ZNF35: variants seen among roughly 807,000 people sequenced by gnomAD.
ZNF35 encodes the protein zinc finger protein 35, also known as zinc finger protein 35 (clone HF.10).
ZNF35 carries 31 observed loss-of-function variants against 45.9 expected under a neutral mutation model. The observed-to-expected ratio is 0.68, with a 90% CI of 0.51 to 0.91. The LOEUF is 0.91. Among genes scored for constraint, ZNF35 ranks in the 40% least tolerant of loss-of-function variants. The pLI, the probability that ZNF35 is intolerant of heterozygous loss-of-function variation, is 0.00. For synonymous variants in ZNF35, 205 were observed against 220.2 expected (o/e 0.93, Z 0.61); for missense variants, 515 against 625.4 (o/e 0.82, Z 1.88).
In ZNF35 at chr3:44,660,243, G is replaced by A. The variant is rs1327944985; in HGVS notation, c.*296G>A. On this transcript the variant is annotated 3_prime_UTR_variant, in exon 4 of 4. Coordinates refer to ENST00000396056, the MANE Select transcript of ZNF35 (RefSeq NM_003420.4). ...TCGTACAAAGCTAAGTGGTAATGAT[G>A]CTATTTGGGGAAAGGTCTTTTTTGC... 17 of 257,778 alleles carry A rather than the reference G, an allele frequency of 6.6e-5. No individual in the cohort carries two copies. The Admixed American group carries it at 8.3e-4, about 13-fold the overall frequency. The allele number at this position is 257,778 out of a possible 1,614,324, so 16.0% of individuals were successfully genotyped here. A position where few individuals can be genotyped will look rare whatever the true frequency, so the allele number is the denominator to read the frequency against.
Position 44,659,402 on chromosome 3 carries a change from T to G in ZNF35, c.1039T>G (p.Ser347Ala), listed in dbSNP as rs150538581. 30 of 1,613,080 alleles carry G rather than the reference T, an allele frequency of 1.9e-5. No homozygotes were observed. The highest frequency in any genetic ancestry group is 2.5e-5 in the Non-Finnish European group (30 of 1,179,658). ...ATGTGGGAAAACATTTACTAGGAGC[T>G]CAAACCTCATTGTCCACCAGAGGAT... is the stretch of plus-strand genomic sequence containing the variant. ...NECGKTFTRS[S>A]NLIVHQRIHT... is the part of the protein sequence containing the mutation. The change falls in exon 4 of 4, where the codon TCA (serine) becomes GCA (alanine). Residue 347 changes from serine (S) to alanine (A), a missense_variant. This residue lies in a region of ZNF35 where 232 missense variants were observed against 304.6 expected (regional missense o/e 0.76). Transcript: ENST00000396056. This position sits in a 1 kb window ranked among gnomAD's most constrained non-coding sequence, Gnocchi z 4.3.
upstream of ZNF35, chr3:44,648,528 G>A (rs1703093423): frequency 6.6e-6 from 1 of 152,120 alleles, no homozygotes; most frequent in African/African-American, 2.4e-5. Flanking sequence ...TGCGCGCCTC[G>A]CCTGAGTGTC....
At position 44,650,994 on chromosome 3, in the gene ZNF35, C is replaced by T; in HGVS notation, c.-74C>T. ...GAAACTCAAGAAGAAGCTTTTGAAA[C>T]ATAAAGCTTGGATGGGGTTTGACCT... On this transcript the variant is annotated 5_prime_UTR_variant, in exon 2 of 4. Transcript: ENST00000396056. The T allele has an allele frequency of 7.0e-7, 1 of 1,435,188 alleles. No homozygotes were observed. Among genetic ancestry groups the T allele is most frequent in the Non-Finnish European group, 9.4e-7 (1 of 1,063,698 alleles). The allele number at this position is 1,435,188 out of a possible 1,614,324, so 88.9% of individuals were successfully genotyped here. A position where few individuals can be genotyped will look rare whatever the true frequency, so the allele number is the denominator to read the frequency against.
In ZNF35 at chr3:44,656,937, T is replaced by A. The variant is rs1327152802; in HGVS notation, c.338-1764T>A. Among the ~76,000 whole-genome samples the A allele has an allele frequency of 4.6e-5, 7 of 152,318 alleles. No homozygotes were observed. The East Asian group carries it at 1.4e-3, about 29-fold the overall frequency. On this transcript the variant is annotated intron_variant, in intron 3 of 3. Transcript: ENST00000396056. ...TTCTCAAACTCCTGACCTCAGGTGA[T>A]CTGCCTGCCTCAGCCTCCCGAAGTG... is the stretch of plus-strand genomic sequence containing the variant.
chr3:44,656,120 A>G (rs183329243), intron 3 of ZNF35, among the ~76,000 whole-genome samples: 1 of 152,334 alleles, frequency 6.6e-6, no homozygotes, highest in African/African-American at 2.4e-5. Context: ...TAGAGAACAC[A>G]AAGAGAAGCA....
chr3:44,648,748 C>G lies in ZNF35; in HGVS notation c.-214C>G, dbSNP rs1703101396. 6.6e-6 allele frequency: 1 copy of G among 152,282 alleles called. No homozygotes were observed. Among genetic ancestry groups the G allele is most frequent in the Non-Finnish European group, 1.5e-5 (1 of 68,096 alleles). The allele number at this position is 152,282 out of a possible 1,614,324, so 9.4% of individuals were successfully genotyped here. The stretch of plus-strand genomic sequence containing the variant: ...AGGCACTTCCTGTCCGGTCATTGTT[C>G]TCGTGCCGGTAGAAGCTGAAGTACC... On this transcript the variant is annotated 5_prime_UTR_variant, in exon 1 of 4. Transcript: ENST00000396056.
chr3:44,648,750 C>G lies in ZNF35; in HGVS notation c.-212C>G, dbSNP rs1703101585. 1.3e-5 allele frequency: 2 copies of G among 152,380 alleles called. No individual in the cohort carries two copies. Among genetic ancestry groups the G allele is most frequent in the South Asian group, 4.1e-4 (2 of 4,830 alleles). The allele number at this position is 152,380 out of a possible 1,614,324, so 9.4% of individuals were successfully genotyped here. Reference sequence around the variant, plus strand: ...GCACTTCCTGTCCGGTCATTGTTCTCGTGCCGGTAGAAGCTGAAGTACCGG... The same window carrying G: ...GCACTTCCTGTCCGGTCATTGTTCTGGTGCCGGTAGAAGCTGAAGTACCGG... On this transcript the variant is annotated 5_prime_UTR_variant, in exon 1 of 4. Transcript: ENST00000396056.
In ZNF35 at chr3:44,649,181, C is replaced by A. The variant is rs183404319; in HGVS notation, c.-128+347C>A. On this transcript the variant is annotated intron_variant, in intron 1 of 3. Coordinates refer to ENST00000396056, the MANE Select transcript of ZNF35 (RefSeq NM_003420.4). ...TAGAGGGCCCTGTGCCGTCTGGGAC[C>A]GGAGGTCCGTCAGAATCTGATCAGA... is the stretch of plus-strand genomic sequence containing the variant. 2.0e-3 allele frequency among the ~76,000 whole-genome samples: 300 copies of A among 152,322 alleles called. 2 individuals are homozygous for A. Among genetic ancestry groups the A allele is most frequent in the African/African-American group, 6.5e-3 (271 of 41,592 alleles).
At position 44,651,084 on chromosome 3, in the gene ZNF35, G is replaced by A; in HGVS notation, c.17G>A (p.Arg6Lys). 6.2e-7 allele frequency: 1 copy of A among 1,613,668 alleles called. No individual in the cohort carries two copies. Among genetic ancestry groups the A allele is most frequent in the Non-Finnish European group, 8.5e-7 (1 of 1,179,966 alleles). MTAEL[R>K]EAMALAPWGP... ...GCAGAGAAGATGACTGCAGAATTGA[G>A]AGAAGCCATGGCCCTAGCCCCATGG... Residue 6 changes from arginine (R) to lysine (K), a missense_variant, in exon 2 of 4, where the codon AGA (arginine) becomes AAA (lysine). By Grantham distance (26) the Arg-to-Lys change is conservative (BLOSUM62 2). This residue lies in a region of ZNF35 where 275 missense variants were observed against 295.7 expected (regional missense o/e 0.93). Coordinates refer to ENST00000396056, the MANE Select transcript of ZNF35 (RefSeq NM_003420.4).
chr3:44,656,741 G>C (rs1220009535), intron 3 of ZNF35, among the ~76,000 whole-genome samples: 1 of 151,216 alleles, frequency 6.6e-6, no homozygotes, highest in Non-Finnish European at 1.5e-5. Context: ...GCCCAGGCTG[G>C]AGTGCAAGTG....
chr3:44,659,962 G>A lies in ZNF35; in HGVS notation c.*15G>A, dbSNP rs1421784956. On this transcript the variant is annotated 3_prime_UTR_variant, in exon 4 of 4. Coordinates refer to ENST00000396056, the MANE Select transcript of ZNF35 (RefSeq NM_003420.4). The surrounding 1 kb of genome is among the most constrained non-coding windows in gnomAD (Gnocchi z 4.3). ...TTGTTGAATAACAAGTAAGGAAGAG[G>A]AAGACCTCCAGCATTGGTCATAACC... The A allele has an allele frequency of 6.5e-6, 10 of 1,527,908 alleles. 1 individual carries two copies. Among genetic ancestry groups the A allele is most frequent in the Non-Finnish European group, 2.6e-6 (3 of 1,138,722 alleles). 94.6% of individuals were successfully genotyped at this position (1,527,908 alleles called of 1,614,324 possible). A position where few individuals can be genotyped will look rare whatever the true frequency, so the allele number is the denominator to read the frequency against.
At chr3:44,651,501 C>T (rs1703201523) in intron 2 of ZNF35, among the ~76,000 whole-genome samples, 1 of 152,070 alleles carries the variant, frequency 6.6e-6, no homozygotes, top group African/African-American at 2.4e-5. Flanking sequence ...TTTATAAAAT[C>T]TTGATGTCCA....
In ZNF35 at chr3:44,659,500, A is replaced by C. The variant is rs1047533453; in HGVS notation, c.1137A>C (p.Val379=). 11 of 1,613,832 alleles carry C rather than the reference A, an allele frequency of 6.8e-6. No homozygotes were observed. Among genetic ancestry groups the C allele is most frequent in the African/African-American group, 2.7e-5 (2 of 74,816 alleles). ...TTACCCAGAGTGCAAATCTTATTGT[A>C]CATCAGCGAAGCCATACTGGTGAGA... ...KAFTQSANLI[V]HQRSHTGEKP... The change falls in exon 4 of 4, where the codon GTA becomes GTC. Residue 379 remains valine, a synonymous_variant. Coordinates refer to ENST00000396056, the MANE Select transcript of ZNF35 (RefSeq NM_003420.4). The surrounding 1 kb of genome is among the most constrained non-coding windows in gnomAD (Gnocchi z 4.3).
rs1431182747 is a variant in ZNF35, at chr3:44,659,655, CT to C, written c.1294del (p.Cys432AlafsTer99). Reference protein sequence around the residue: ...SECGKAFSQLSCLIVHQRIHS... With the variant: ...SECGKAFSQLXCLIVHQRIHS... Reference sequence around the variant, plus strand: ...TGTGGGAAAGCCTTCAGTCAGCTCTCTTGCCTTATTGTCCACCAGAGAATTC... The same window carrying C: ...TGTGGGAAAGCCTTCAGTCAGCTCTCTGCCTTATTGTCCACCAGAGAATTC... On this transcript the variant is annotated frameshift_variant, in exon 4 of 4. Transcript: ENST00000396056. LOFTEE classifies it high-confidence loss of function. This position sits in a 1 kb window ranked among gnomAD's most constrained non-coding sequence, Gnocchi z 4.3. The C allele has an allele frequency of 6.2e-7, 1 of 1,614,212 alleles. No individual in the cohort carries two copies. Among genetic ancestry groups the C allele is most frequent in the East Asian group, 2.2e-5 (1 of 44,892 alleles).
At chr3:44,646,722 A>C (rs564913345), upstream of ZNF35, 21 of 522,140 alleles carry the variant, frequency 4.0e-5, 1 homozygote, top group African/African-American at 1.7e-4. Flanking sequence ...AAAGGTATAA[A>C]ACATGGATGA....
At chr3:44,648,366 AT>A (rs1467352544), upstream of ZNF35, 2 of 152,246 alleles carry the variant, frequency 1.3e-5, no homozygotes, top group African/African-American at 4.8e-5. Context: ...ACATAGCAAA[AT>A]GTTCATTGTT....
intron 3 of ZNF35, among the ~76,000 whole-genome samples, chr3:44,654,922 T>A (rs1453701724): frequency 6.6e-6 from 1 of 152,134 alleles, no homozygotes; most frequent in Non-Finnish European, 1.5e-5. Context: ...TCACCTGATA[T>A]CAGGAGTTCG....
intron 3 of ZNF35, among the ~76,000 whole-genome samples, chr3:44,655,563 G>GT (rs1167285850): frequency 6.6e-6 from 1 of 152,014 alleles, no homozygotes; most frequent in Non-Finnish European, 1.5e-5. Context: ...AATCCTACAT[G>GT]TTTTTTAAAA....
intron 1 of ZNF35, among the ~76,000 whole-genome samples, chr3:44,649,777 CTAAA>C (rs1027757346): frequency 6.6e-6 from 1 of 151,822 alleles, no homozygotes; most frequent in African/African-American, 2.4e-5. Flanking sequence ...TAAACTTTTA[CTAAA>C]TAAATGGTTC....
Sources: allele counts gnomAD v4.1 joint callset (sites outside exome capture counted in the v4.1 genomes callset), GRCh38; gene constraint gnomAD v4.1.1; regional missense constraint gnomAD v4.1.1; non-coding constraint Gnocchi (gnomAD v3.1); transcripts MANE v1.5; gene names NCBI Gene and HGNC (gene_info 2026-07-23, HGNC 2026-07-21).